Variants in SGCD observed in about 807,000 individuals in gnomAD.
The protein encoded by SGCD is sarcoglycan delta, also known as delta-sarcoglycan.
SGCD carries 18 observed loss-of-function variants against 36.6 expected under a neutral mutation model. The ratio of observed to expected loss-of-function variants is 0.49; its 90% CI spans 0.34 to 0.73. The LOEUF (loss-of-function observed/expected upper bound fraction) is 0.73, where lower values mean the gene tolerates loss of function less well. Ranked by LOEUF, SGCD falls within the 30% of genes least tolerant of loss-of-function variation. The probability of loss-of-function intolerance (pLI) is 0.01; values close to 1 mark genes in which losing one functional copy is unlikely to be tolerated. For synonymous variants in SGCD, 133 were observed against 130.6 expected, an observed-to-expected ratio of 1.02 and a Z score of -0.12; for missense variants, 387 against 346.7, an observed-to-expected ratio of 1.12 and a Z score of -0.92.
chr5:156,030,237 C>T (rs528195015), intron 1 of SGCD, among the ~76,000 whole-genome samples: 2 of 152,268 alleles, frequency 1.3e-5, no homozygotes, highest in Admixed American at 6.5e-5. Flanking sequence ...ATGTTGAAGT[C>T]CTATCCTGTA....
intron 3 of SGCD, among the ~76,000 whole-genome samples, chr5:156,459,027 T>C (rs1754371620): frequency 6.6e-6 from 1 of 152,166 alleles, no homozygotes; most frequent in Admixed American, 6.5e-5. Context: ...TATTTTTCAT[T>C]CAACAGAAAC....
chr5:156,108,736 A>G (rs188261548), intron 1 of SGCD, among the ~76,000 whole-genome samples: 84 of 152,270 alleles, frequency 5.5e-4, no homozygotes, highest in East Asian at 1.3e-3. Context: ...TTGTAGGTCT[A>G]CAATGATCAG....
At position 155,945,786 on chromosome 5, in the gene SGCD, C is replaced by T. The variant is rs73301366; in HGVS notation, c.-282+75362C>T. On this transcript the variant is annotated intron_variant, in intron 1 of 9. Coordinates refer to the SGCD transcript ENST00000517913. ...GGCCAGGGACCAGCTCAGGTAGAGC[C>T]TTGAAGACCACAGTGAGGAAGTTTT... is the stretch of plus-strand genomic sequence containing the variant. Among the ~76,000 whole-genome samples, 555 of 152,228 alleles carry T rather than the reference C, an allele frequency of 3.6e-3. 3 individuals carry two copies. The highest frequency in any genetic ancestry group is 0.013 in the African/African-American group (521 of 41,528).
intron 3 of SGCD, among the ~76,000 whole-genome samples, chr5:156,370,105 G>T (rs2127738998): frequency 6.6e-6 from 1 of 152,292 alleles, no homozygotes; most frequent in East Asian, 1.9e-4. Flanking sequence ...TTGCTTTCCA[G>T]ATATCAGCAT....
At chr5:156,433,270 T>C (rs1174228281) in intron 3 of SGCD, among the ~76,000 whole-genome samples, 1 of 152,206 alleles carries the variant, frequency 6.6e-6, no homozygotes, top group Non-Finnish European at 1.5e-5. Flanking sequence ...AGATGTTGAA[T>C]TTCTGAAATG....
intron 3 of SGCD, among the ~76,000 whole-genome samples, chr5:156,384,794 G>T (rs1162449305): frequency 2.6e-5 from 4 of 152,130 alleles, no homozygotes; most frequent in African/African-American, 9.7e-5. Flanking sequence ...AAGACAAATT[G>T]TGCCTTTTGT....
intron 1 of SGCD, among the ~76,000 whole-genome samples, chr5:155,963,474 C>T (rs1757833162): frequency 6.6e-6 from 1 of 152,088 alleles, no homozygotes. Flanking sequence ...GAGTTACTCT[C>T]ACTGGCCTAC....
chr5:156,667,003 A>G (rs1753070020), intron 7 of SGCD, among the ~76,000 whole-genome samples: 1 of 152,198 alleles, frequency 6.6e-6, no homozygotes, highest in Admixed American at 6.5e-5. Context: ...GGTGTCCCAA[A>G]TCCAAAAATC....
the SGCD span, among the ~76,000 whole-genome samples, chr5:155,778,631 C>T: frequency 2.0e-5 from 3 of 151,700 alleles, no homozygotes; most frequent in South Asian, 4.2e-4. Flanking sequence ...TAAGCTATTG[C>T]TTAAAATGCA....
At chr5:156,679,277 C>T (rs757238330) in intron 7 of SGCD, among the ~76,000 whole-genome samples, 1 of 152,308 alleles carries the variant, frequency 6.6e-6, no homozygotes, top group Admixed American at 6.5e-5. Flanking sequence ...AGACCAAGCA[C>T]CACCACTAGA....
intron 3 of SGCD, among the ~76,000 whole-genome samples, chr5:156,351,867 A>T (rs1215279626): frequency 6.6e-6 from 1 of 152,084 alleles, no homozygotes; most frequent in Non-Finnish European, 1.5e-5. Context: ...CTAGTTTGTC[A>T]TATTGTGGGG....
chr5:156,683,711 G>A (rs543578614), intron 7 of SGCD, among the ~76,000 whole-genome samples: 6 of 152,174 alleles, frequency 3.9e-5, no homozygotes, highest in African/African-American at 1.4e-4. Context: ...GAAATCCCTG[G>A]CTTTGTCACT....
At chr5:156,590,273 C>T (rs1158898075) in intron 5 of SGCD, among the ~76,000 whole-genome samples, 1 of 152,140 alleles carries the variant, frequency 6.6e-6, no homozygotes, top group East Asian at 1.9e-4. Context: ...CCATAGTCTT[C>T]ACTCCTGGGG....
the SGCD span, among the ~76,000 whole-genome samples, chr5:155,748,099 G>GT: frequency 1.3e-5 from 2 of 150,622 alleles, no homozygotes; most frequent in Non-Finnish European, 3.0e-5. Context: ...GCTGACCTTT[G>GT]TTTTTTTCTT....
the SGCD span, among the ~76,000 whole-genome samples, chr5:155,796,364 A>G: frequency 6.6e-6 from 1 of 152,184 alleles, no homozygotes; most frequent in Non-Finnish European, 1.5e-5. Context: ...TGTGTCAAAG[A>G]AGACATCACA....
At chr5:156,178,363 CTGTTA>C (rs1425492388) in intron 3 of SGCD, among the ~76,000 whole-genome samples, 2 of 152,156 alleles carry the variant, frequency 1.3e-5, no homozygotes, top group Non-Finnish European at 2.9e-5. Flanking sequence ...TTGACCTGTT[CTGTTA>C]TAATGTCAGT....
intron 3 of SGCD, among the ~76,000 whole-genome samples, chr5:156,249,125 A>C (rs1051573241): frequency 1.3e-5 from 2 of 152,200 alleles, no homozygotes; most frequent in Non-Finnish European, 2.9e-5. Flanking sequence ...TATGTGGATA[A>C]GTAGAAATCC....
At position 156,515,566 on chromosome 5, in the gene SGCD, G is replaced by A. The variant is rs116591545; in HGVS notation, c.294+6864G>A. On this transcript the variant is annotated intron_variant, in intron 4 of 8. Transcript: ENST00000337851. Reference sequence around the variant, plus strand: ...GCAGCACAGGCAATGGGGAGTTCCCGCCCCCAGCCAAAGGAGCAGAGAGCG... The same window carrying A: ...GCAGCACAGGCAATGGGGAGTTCCCACCCCCAGCCAAAGGAGCAGAGAGCG... Among the ~76,000 whole-genome samples, 1,462 of 152,252 alleles carry A rather than the reference G, an allele frequency of 9.6e-3. 22 individuals are homozygous for A. The highest frequency in any genetic ancestry group is 0.033 in the East Asian group (170 of 5,166).
chr5:155,858,658 G>A, the SGCD span, among the ~76,000 whole-genome samples: 1 of 152,170 alleles, frequency 6.6e-6, no homozygotes, highest in African/African-American at 2.4e-5. Context: ...TGAAAGTGGT[G>A]TATGGTGTTT....
Sources: gnomAD v4.1 joint callset for allele counts (sites outside exome capture counted in the v4.1 genomes callset) on GRCh38, gnomAD v4.1.1 for gene constraint, MANE v1.5 for transcripts, NCBI Gene and HGNC (gene_info 2026-07-23, HGNC 2026-07-21) for gene names.